The following CEP70 variants were observed in gnomAD, a reference collection of about 807,000 sequenced individuals.
The protein encoded by CEP70 is centrosomal protein 70.
In CEP70, 70 loss-of-function variants were observed where a neutral mutation model predicts 90.9. The ratio of observed to expected loss-of-function variants is 0.77; its 90% CI spans 0.64 to 0.94. The LOEUF (loss-of-function observed/expected upper bound fraction) is 0.94, where lower values mean the gene tolerates loss of function less well. CEP70 is among the 40% of genes least tolerant of loss of function. The probability of loss-of-function intolerance (pLI) is 0.00; values close to 1 mark genes in which losing one functional copy is unlikely to be tolerated. For missense variants in CEP70, 648 were observed against 669.0 expected (o/e 0.97, Z 0.35); for synonymous variants, 220 against 228.3 (o/e 0.96, Z 0.33).
chr3:138,511,683 T>A (rs1353726484), intron 11 of CEP70, among the ~76,000 whole-genome samples: 1 of 152,220 alleles, frequency 6.6e-6, no homozygotes, highest in East Asian at 1.9e-4. Context: ...ATAATGACAG[T>A]AACTACAACT....
chr3:138,534,493 AC>A (rs1284835866), intron 7 of CEP70, among the ~76,000 whole-genome samples: 4 of 152,206 alleles, frequency 2.6e-5, no homozygotes, highest in African/African-American at 9.6e-5. Context: ...AGTGATTGTA[AC>A]CAATTATCTT....
At chr3:138,495,215 T>A (rs1313936232) in intron 17 of CEP70, 139 bp from the exon 18 acceptor site, 2 of 574,628 alleles carry the variant, frequency 3.5e-6, no homozygotes, top group Non-Finnish European at 6.2e-6. Flanking sequence ...ATGAAGTTTT[T>A]CTCCGATAGT....
rs1052900894 is a variant in CEP70 at position 138,529,720 on chromosome 3, C to G, written c.693-258G>C. Among the ~76,000 whole-genome samples the G allele has an allele frequency of 5.9e-5, 9 of 152,238 alleles. No homozygotes were observed. The South Asian group carries it at 1.7e-3, about 28-fold the overall frequency. The stretch of plus-strand genomic sequence containing the variant: ...AACTTTGTCTTATTCACCACTGTAT[C>G]TCACTGCCTAGAAAAAGTATGGAAT... On this transcript the variant is annotated intron_variant, in intron 8 of 17. Transcript: ENST00000264982.
chr3:138,587,009 A>G lies in CEP70; in HGVS notation c.-6+4845T>C, dbSNP rs550211013. On this transcript the variant is annotated intron_variant, in intron 2 of 17. Transcript: ENST00000264982. Reference sequence around the variant, plus strand: ...TTAAATTGTAAAAGTTCATATTAAAAAAAATCTCTACAGACAAGAAAAATA... The same window carrying G: ...TTAAATTGTAAAAGTTCATATTAAAGAAAATCTCTACAGACAAGAAAAATA... 2.0e-5 allele frequency among the ~76,000 whole-genome samples: 3 copies of G among 152,230 alleles called. No individual in the cohort carries two copies. In the East Asian group the frequency reaches 5.8e-4, roughly 29 times the overall value.
At chr3:138,556,691 C>T (rs1016660993) in intron 6 of CEP70, among the ~76,000 whole-genome samples, 13 of 151,920 alleles carry the variant, frequency 8.6e-5, no homozygotes, top group African/African-American at 2.7e-4. Context: ...GACATCACGT[C>T]GGTAGGTTCC....
At chr3:138,556,797 G>A (rs55881438) in intron 6 of CEP70, among the ~76,000 whole-genome samples, 1,559 of 152,162 alleles carry the variant, frequency 0.01, 26 homozygotes, top group African/African-American at 0.036. Context: ...CAGAGATCAC[G>A]TACTTCACAA....
intron 6 of CEP70, among the ~76,000 whole-genome samples, chr3:138,558,444 A>C (rs944976332): frequency 4.6e-5 from 7 of 152,180 alleles, no homozygotes; most frequent in African/African-American, 1.7e-4. Context: ...GTTTTCAGAC[A>C]CCTGAAAAGG....
intron 2 of CEP70, among the ~76,000 whole-genome samples, chr3:138,579,983 T>C (rs1374700133): frequency 2.0e-5 from 3 of 151,990 alleles, no homozygotes; most frequent in African/African-American, 4.8e-5. Flanking sequence ...GAGAAGCCAC[T>C]GCCCTGAAAG....
intron 6 of CEP70, among the ~76,000 whole-genome samples, chr3:138,563,599 T>A (rs565206376): frequency 6.6e-6 from 1 of 152,298 alleles, no homozygotes; most frequent in East Asian, 1.9e-4. Context: ...GAATGACTAC[T>A]GGGTAAACAA....
chr3:138,496,571 T>C, intron 17 of CEP70: 1 of 985,380 alleles, frequency 1.0e-6, no homozygotes, highest in Non-Finnish European at 1.2e-6. Flanking sequence ...TTGGCCGATA[T>C]GGGAATTTCC....
intron 2 of CEP70, among the ~76,000 whole-genome samples, chr3:138,580,795 C>G (rs77584819): frequency 0.011 from 1,717 of 152,088 alleles, 37 homozygotes; most frequent in African/African-American, 0.039. Flanking sequence ...AATTCAGGAT[C>G]CTATTAGACA....
chr3:138,522,348 C>CA (rs1256343493), intron 11 of CEP70, among the ~76,000 whole-genome samples: 11 of 146,490 alleles, frequency 7.5e-5, no homozygotes, highest in African/African-American at 2.8e-4. Flanking sequence ...CAAAAGCTAG[C>CA]AAAAGGCAAG....
chr3:138,505,528 T>C, intron 12 of CEP70, 63 bp from the exon 13 acceptor site: 1 of 1,099,852 alleles, frequency 9.1e-7, no homozygotes. Context: ...GTTATATATT[T>C]TAAAGGAGTG....
chr3:138,513,677 C>G (rs181695025), intron 11 of CEP70, among the ~76,000 whole-genome samples: 1 of 152,314 alleles, frequency 6.6e-6, no homozygotes, highest in East Asian at 1.9e-4. Flanking sequence ...CACTTTGACT[C>G]ATTGGCCTAA....
chr3:138,500,475 G>T lies in CEP70; in HGVS notation c.1461C>A (p.Pro487=). ...FDVPSLNGVY[P]RMNEVYTRLG... is the part of the protein sequence containing the mutation. ...GCCTAGTATAAACTTCATTCATTCG[G>T]GGATAGACTCCATTTAAAGAAGGCA... Residue 487 remains proline, a synonymous_variant, in exon 15 of 18, where the codon CCC becomes CCA. Transcript: ENST00000264982. 1 of 1,611,660 alleles carries T rather than the reference G, an allele frequency of 6.2e-7. No homozygotes were observed. The highest frequency in any genetic ancestry group is 1.1e-5 in the South Asian group (1 of 90,254).
At chr3:138,514,863 T>C (rs1486838039) in intron 11 of CEP70, among the ~76,000 whole-genome samples, 10 of 152,116 alleles carry the variant, frequency 6.6e-5, no homozygotes, top group Non-Finnish European at 1.5e-4. Context: ...CCTGTATAAC[T>C]TGGGCAAGTT....
intron 6 of CEP70, among the ~76,000 whole-genome samples, chr3:138,541,036 A>C (rs1199807053): frequency 1.3e-5 from 2 of 152,214 alleles, no homozygotes; most frequent in African/African-American, 4.8e-5. Context: ...GTGGGAGCTA[A>C]ATGATGAGAA....
At chr3:138,589,119 T>C (rs960225295) in intron 2 of CEP70, among the ~76,000 whole-genome samples, 9 of 152,174 alleles carry the variant, frequency 5.9e-5, no homozygotes, top group East Asian at 1.9e-4. Context: ...GATGGATATA[T>C]TGACAATCCT....
In CEP70 at chr3:138,584,722, A is replaced by C. The variant is rs6800259; in HGVS notation, c.-6+7132T>G. On this transcript the variant is annotated intron_variant, in intron 2 of 17. Coordinates refer to ENST00000264982, the MANE Select transcript of CEP70 (RefSeq NM_024491.4). ...TGATCGTTTCAACTGATACTGAAAAAGCACTTGATAAAATTCAACATTCCT... is the reference window on the plus strand; with the variant it reads ...TGATCGTTTCAACTGATACTGAAAACGCACTTGATAAAATTCAACATTCCT... 5.6e-3 allele frequency among the ~76,000 whole-genome samples: 857 copies of C among 152,180 alleles called. 7 individuals carry two copies. The highest frequency in any genetic ancestry group is 0.02 in the African/African-American group (826 of 41,550).
Sources: gnomAD v4.1 joint callset for allele counts (sites outside exome capture counted in the v4.1 genomes callset) on GRCh38, gnomAD v4.1.1 for gene constraint, MANE v1.5 for transcripts, NCBI Gene and HGNC (gene_info 2026-07-23, HGNC 2026-07-21) for gene names.